The following ATP13A3 variants were observed in gnomAD, a reference collection of about 807,000 sequenced individuals.
ATP13A3 encodes the protein polyamine-transporting ATPase 13A3.
Under a neutral mutation model 158.1 loss-of-function variants are expected in ATP13A3, and 59 were observed. The observed-to-expected ratio is 0.37, with a 90% CI of 0.30 to 0.46. The LOEUF is 0.46. Ranked by LOEUF, ATP13A3 falls within the 20% of genes least tolerant of loss-of-function variation. The pLI, the probability that ATP13A3 is intolerant of heterozygous loss-of-function variation, is 1.00. For synonymous variants in ATP13A3, 491 were observed against 504.3 expected, an observed-to-expected ratio of 0.97 and a Z score of 0.35; for missense variants, 1,166 against 1,525.2, an observed-to-expected ratio of 0.76 and a Z score of 3.92.
chr3:194,449,044 T>TAC (rs146993933), intron 11 of ATP13A3, among the ~76,000 whole-genome samples: 1,625 of 134,956 alleles, frequency 0.012, 14 homozygotes, highest in Non-Finnish European at 0.014. Flanking sequence ...GATCCACCCC[T>TAC]ACACACACAC....
chr3:194,421,153 A>ATAGTT (rs1553796375), intron 30 of ATP13A3, among the ~76,000 whole-genome samples: 1 of 4,102 alleles, frequency 2.4e-4, no homozygotes, highest in African/African-American at 6.2e-4. Context: ...ATATATATAT[A>ATAGTT]TATATATATA....
chr3:194,485,126 C>T (rs898687918), intron 2 of ATP13A3, among the ~76,000 whole-genome samples: 3 of 152,036 alleles, frequency 2.0e-5, no homozygotes, highest in African/African-American at 7.2e-5. Flanking sequence ...TGACCAAAGC[C>T]AGGCATTGTT....
At chr3:194,451,163 C>CT (rs980843397) in intron 10 of ATP13A3, 20 of 151,932 alleles carry the variant, frequency 1.3e-4, no homozygotes, top group Admixed American at 9.2e-4. Context: ...TCTTTCTTTC[C>CT]TTTTTTTAAA....
chr3:194,468,214 C>G (rs1418086150), intron 2 of ATP13A3: 1 of 152,056 alleles, frequency 6.6e-6, no homozygotes, highest in Non-Finnish European at 1.5e-5. Flanking sequence ...ATCTGTCACT[C>G]GTAGAGCTCC....
At chr3:194,406,877 A>T (rs892342782) in intron 33 of ATP13A3, among the ~76,000 whole-genome samples, 1 of 152,208 alleles carries the variant, frequency 6.6e-6, no homozygotes, top group African/African-American at 2.4e-5. Context: ...TTTTATAATG[A>T]TGGTTTCCGT....
Position 194,433,912 on chromosome 3 carries a change from T to C in ATP13A3, c.2121-16A>G. 6.2e-7 allele frequency: 1 copy of C among 1,611,088 alleles called. No individual in the cohort carries two copies. Among genetic ancestry groups the C allele is most frequent in the Non-Finnish European group, 8.5e-7 (1 of 1,178,140 alleles). ...AATTGCATCTCTGCAGAAAAAGAAGTTTTAACACATAATGGTTTAGTCAAT... is the reference window on the plus strand; with the variant it reads ...AATTGCATCTCTGCAGAAAAAGAAGCTTTAACACATAATGGTTTAGTCAAT... On this transcript the variant is annotated splice_polypyrimidine_tract_variant and intron_variant, in intron 20 of 33. Coordinates refer to ENST00000645319, the MANE Select transcript of ATP13A3 (RefSeq NM_001367549.1).
At chr3:194,479,255 C>G (rs189412160) in intron 2 of ATP13A3, among the ~76,000 whole-genome samples, 1 of 152,302 alleles carries the variant, frequency 6.6e-6, no homozygotes, top group Admixed American at 6.5e-5. Flanking sequence ...AGTACATTTT[C>G]ATATCAAAAA....
intron 30 of ATP13A3, among the ~76,000 whole-genome samples, chr3:194,421,485 G>A (rs1044358693): frequency 3.4e-5 from 5 of 148,506 alleles, no homozygotes; most frequent in Non-Finnish European, 7.4e-5. Context: ...CACGGGAGGC[G>A]GAGCTGGCAG....
At chr3:194,410,306 A>C (rs796420942) in intron 33 of ATP13A3, among the ~76,000 whole-genome samples, 2 of 137,562 alleles carry the variant, frequency 1.5e-5, no homozygotes, top group African/African-American at 2.9e-5. Context: ...CAAAAAAAAA[A>C]AAAAAAAAAA....
At position 194,441,319 on chromosome 3, in the gene ATP13A3, T is replaced by C. The variant is rs141332772; in HGVS notation, c.1702A>G (p.Ile568Val). 6.8e-6 allele frequency: 11 copies of C among 1,609,980 alleles called. No homozygotes were observed. The African/African-American group carries it at 1.2e-4, about 18-fold the overall frequency. Reference protein sequence around the residue: ...DPLDLKMFEAIGWILEEATEE... With the variant: ...DPLDLKMFEAVGWILEEATEE... ...TAAAATATTTGACTTACCCATCCAA[T>C]AGCCTCAAACATTTTCAGATCAAGT... The change falls in exon 16 of 34, where the codon ATT becomes GTT. Residue 568 changes from isoleucine (I) to valine (V), a missense_variant. Transcript: ENST00000645319.
chr3:194,482,913 C>G (rs1011733362), intron 2 of ATP13A3, among the ~76,000 whole-genome samples: 2 of 152,098 alleles, frequency 1.3e-5, no homozygotes, highest in African/African-American at 4.8e-5. Flanking sequence ...CAAGATCAGA[C>G]TGGTCAACAT....
At chr3:194,490,971 C>A (rs535568856), upstream of ATP13A3, among the ~76,000 whole-genome samples, 6 of 152,320 alleles carry the variant, frequency 3.9e-5, no homozygotes, top group African/African-American at 1.4e-4. The surrounding 1 kb of genome is among the most constrained non-coding windows in gnomAD (Gnocchi z 4.4). Context: ...CATGGTGAAA[C>A]CCCATCCACT....
chr3:194,449,093 A>C (rs2108903753), intron 11 of ATP13A3, among the ~76,000 whole-genome samples: 1 of 149,294 alleles, frequency 6.7e-6, no homozygotes, highest in East Asian at 2.0e-4. Context: ...ACACACACAG[A>C]ACAGAAAAGA....
At chr3:194,485,501 C>G (rs898744132) in intron 2 of ATP13A3, among the ~76,000 whole-genome samples, 1 of 152,186 alleles carries the variant, frequency 6.6e-6, no homozygotes, top group African/African-American at 2.4e-5. Flanking sequence ...GGAATCAAAT[C>G]GAAACACTTT....
chr3:194,483,860 T>A (rs1456315923), intron 2 of ATP13A3, among the ~76,000 whole-genome samples: 2 of 152,172 alleles, frequency 1.3e-5, no homozygotes, highest in African/African-American at 4.8e-5. Flanking sequence ...TTTAAAACTT[T>A]AAAAAATAAG....
At chr3:194,439,043 A>G (rs572531250) in intron 16 of ATP13A3, 71 bp from the exon 17 acceptor site, 176 of 982,664 alleles carry the variant, frequency 1.8e-4, no homozygotes, top group Non-Finnish European at 2.3e-4. Flanking sequence ...AACTGAATTC[A>G]TGGTTCCATT....
At position 194,448,518 on chromosome 3, in the gene ATP13A3, T is replaced by C. The variant is rs754656378; in HGVS notation, c.1089A>G (p.Thr363=). The C allele has an allele frequency of 1.2e-6, 2 of 1,614,130 alleles. No homozygotes were observed. Among genetic ancestry groups the C allele is most frequent in the Admixed American group, 1.7e-5 (1 of 60,026 alleles). The part of the protein sequence containing the change: ...THKRHTLFCG[T]TVIQTRFYTG... ...TGTAGAAACGAGTCTGAATAACAGT[T>C]GTCCCACAAAACAAAGTATGTCGTT... The change falls in exon 12 of 34, where the codon ACA becomes ACG. Residue 363 remains threonine (T), a synonymous_variant. Transcript: ENST00000645319. This position sits in a 1 kb window ranked among gnomAD's most constrained non-coding sequence, Gnocchi z 4.0.
At chr3:194,418,042 T>TGAAG (rs374456704) in intron 31 of ATP13A3, among the ~76,000 whole-genome samples, 1 of 138,832 alleles carries the variant, frequency 7.2e-6, no homozygotes, top group African/African-American at 2.7e-5. Flanking sequence ...AAAGAAGGAA[T>TGAAG]GAAGGAAGGA....
chr3:194,407,799 G>T (rs1028986954), intron 33 of ATP13A3, among the ~76,000 whole-genome samples: 10 of 152,010 alleles, frequency 6.6e-5, no homozygotes, highest in African/African-American at 2.4e-4. Flanking sequence ...AAGTCCACAG[G>T]AAAATATTTA....
Sources: gnomAD v4.1 joint callset for allele counts (sites outside exome capture counted in the v4.1 genomes callset) on GRCh38, gnomAD v4.1.1 for gene constraint, Gnocchi (gnomAD v3.1) non-coding constraint, MANE v1.5 for transcripts, NCBI Gene and HGNC (gene_info 2026-07-23, HGNC 2026-07-21) for gene names.